SNTG1: variants seen among roughly 807,000 people sequenced by gnomAD.
The protein encoded by SNTG1 is syntrophin gamma 1.
SNTG1 carries 39 observed loss-of-function variants against 74.7 expected under a neutral mutation model. The ratio of observed to expected loss-of-function variants is 0.52; its 90% CI spans 0.40 to 0.68. SNTG1 has a LOEUF of 0.68. Among genes scored for constraint, SNTG1 ranks in the 30% least tolerant of loss-of-function variants. SNTG1 has a pLI of 0.00. For missense variants in SNTG1, 685 were observed against 609.5 expected, an observed-to-expected ratio of 1.12 and a Z score of -1.30; for synonymous variants, 254 against 217.1, an observed-to-expected ratio of 1.17 and a Z score of -1.49.
intron 9 of SNTG1, among the ~76,000 whole-genome samples, chr8:50,514,627 G>T (rs2094115931): frequency 6.6e-6 from 1 of 152,054 alleles, no homozygotes; most frequent in Non-Finnish European, 1.5e-5. Flanking sequence ...AATTTAATAA[G>T]ATTTGTTTTG....
intron 2 of SNTG1, among the ~76,000 whole-genome samples, chr8:50,346,876 G>A (rs1007207522): frequency 3.3e-5 from 5 of 152,220 alleles, no homozygotes; most frequent in Admixed American, 6.5e-5. Flanking sequence ...GGCCGAGAGA[G>A]GTATGGAAGC....
intron 2 of SNTG1, among the ~76,000 whole-genome samples, chr8:50,255,632 T>C (rs1187318551): frequency 1.3e-5 from 2 of 152,214 alleles, no homozygotes; most frequent in Non-Finnish European, 2.9e-5. Context: ...ATCACTCTGA[T>C]CTCTGTATTC....
At position 50,214,008 on chromosome 8, in the gene SNTG1, C is replaced by T. The variant is rs1311567052; in HGVS notation, c.-28+41373C>T. Reference sequence around the variant, plus strand: ...TTTAGCCATGAAGTCCTTCCCCATGCCTATGTCCTGAATGGTAATGCCTAG... The same window carrying T: ...TTTAGCCATGAAGTCCTTCCCCATGTCTATGTCCTGAATGGTAATGCCTAG... On this transcript the variant is annotated intron_variant, in intron 2 of 18. Coordinates refer to ENST00000642720, the MANE Select transcript of SNTG1 (RefSeq NM_018967.5). Among the ~76,000 whole-genome samples, 7 of 152,012 alleles carry T rather than the reference C, an allele frequency of 4.6e-5. No individual in the cohort carries two copies. In the East Asian group the frequency reaches 1.4e-3, roughly 30 times the overall value.
intron 1 of SNTG1, among the ~76,000 whole-genome samples, chr8:50,117,625 C>T (rs1277111447): frequency 6.6e-6 from 1 of 152,088 alleles, no homozygotes; most frequent in South Asian, 2.1e-4. Context: ...CTGAGTCTTA[C>T]AATTTAGTTA....
chr8:50,792,002 T>C (rs2095692034), intron 18 of SNTG1, among the ~76,000 whole-genome samples: 1 of 151,762 alleles, frequency 6.6e-6, no homozygotes, highest in Admixed American at 6.6e-5. Flanking sequence ...TGGTAATAAA[T>C]GGGTTACAAA....
Position 50,333,743 on chromosome 8 carries a change from A to G in SNTG1, c.-27-60469A>G, listed in dbSNP as rs548873165. The stretch of plus-strand genomic sequence containing the variant: ...TATGAGGCCAACGTTGTTTCCAAAC[A>G]TTTCTTAACGTTCCCTTGATTGACC... On this transcript the variant is annotated intron_variant, in intron 2 of 18. Coordinates refer to ENST00000642720, the MANE Select transcript of SNTG1 (RefSeq NM_018967.5). Among the ~76,000 whole-genome samples, 5 of 152,344 alleles carry G rather than the reference A, an allele frequency of 3.3e-5. No individual in the cohort carries two copies. The South Asian group carries it at 1.0e-3, about 32-fold the overall frequency.
chr8:50,518,005 T>C (rs1320087181), intron 9 of SNTG1, among the ~76,000 whole-genome samples: 1 of 152,158 alleles, frequency 6.6e-6, no homozygotes, highest in African/African-American at 2.4e-5. Flanking sequence ...GAATATACAT[T>C]CTTCTTAGCA....
intron 15 of SNTG1, among the ~76,000 whole-genome samples, chr8:50,668,971 T>C (rs952496323): frequency 6.6e-6 from 1 of 152,026 alleles, no homozygotes; most frequent in Non-Finnish European, 1.5e-5. Flanking sequence ...AGCTGAATGA[T>C]TTATAATCCT....
chr8:50,687,156 A>AAT (rs1563742681), intron 15 of SNTG1, among the ~76,000 whole-genome samples: 1 of 146,204 alleles, frequency 6.8e-6, no homozygotes, highest in Non-Finnish European at 1.5e-5. Flanking sequence ...AAAAAAAATA[A>AAT]AATAAACATG....
At chr8:50,673,300 T>C (rs2095293949) in intron 15 of SNTG1, among the ~76,000 whole-genome samples, 1 of 152,352 alleles carries the variant, frequency 6.6e-6, no homozygotes, top group East Asian at 1.9e-4. Flanking sequence ...TGATTCTTCT[T>C]ATCCATGAGG....
intron 1 of SNTG1, among the ~76,000 whole-genome samples, chr8:49,928,959 G>C (rs1233402073): frequency 1.3e-5 from 2 of 151,850 alleles, no homozygotes; most frequent in Non-Finnish European, 2.9e-5. Flanking sequence ...AATCACAGTG[G>C]AATTGGACAA....
At chr8:50,224,275 G>T (rs1467460614) in intron 2 of SNTG1, among the ~76,000 whole-genome samples, 1 of 152,104 alleles carries the variant, frequency 6.6e-6, no homozygotes, top group Non-Finnish European at 1.5e-5. Flanking sequence ...AGGGAAAAGT[G>T]ACATAGATTA....
intron 1 of SNTG1, among the ~76,000 whole-genome samples, chr8:50,042,541 A>T (rs1016924869): frequency 1.3e-5 from 2 of 152,110 alleles, no homozygotes; most frequent in Non-Finnish European, 2.9e-5. Flanking sequence ...AGCCAGGGTG[A>T]CAGACAGAGA....
intron 1 of SNTG1, among the ~76,000 whole-genome samples, chr8:50,135,164 A>AT (rs1224947000): frequency 6.6e-6 from 1 of 152,184 alleles, no homozygotes; most frequent in East Asian, 1.9e-4. Context: ...AAGAAAAGGC[A>AT]TGAAAAGTCA....
rs1488942213 is a variant in SNTG1, at chr8:49,969,393, T to A, written c.-103+57162T>A. ...ACATTTTAATTCATTTAATCTTTTT[T>A]TTTTTTTTTTTTTTTTTTTTTGAAA... On this transcript the variant is annotated intron_variant, in intron 1 of 18. Coordinates refer to ENST00000642720, the MANE Select transcript of SNTG1 (RefSeq NM_018967.5). Among the ~76,000 whole-genome samples, 32 of 124,582 alleles carry A rather than the reference T, an allele frequency of 2.6e-4. No homozygotes were observed. The South Asian group carries it at 5.5e-3, about 22-fold the overall frequency. The allele number at this position is 124,582 out of a possible 152,430, so 81.7% of individuals were successfully genotyped here.
intron 1 of SNTG1, among the ~76,000 whole-genome samples, chr8:50,054,013 T>A (rs976059718): frequency 6.6e-6 from 1 of 152,092 alleles, no homozygotes; most frequent in Admixed American, 6.6e-5. Context: ...TGCATCATAT[T>A]CCTGCCTGTA....
At chr8:50,779,112 A>G (rs1370175993) in intron 18 of SNTG1, among the ~76,000 whole-genome samples, 1 of 152,090 alleles carries the variant, frequency 6.6e-6, no homozygotes, top group Non-Finnish European at 1.5e-5. Context: ...GTAGCCTTGT[A>G]GTATAGTTTG....
intron 17 of SNTG1, among the ~76,000 whole-genome samples, chr8:50,750,306 T>A (rs764454228): frequency 6.6e-6 from 1 of 152,012 alleles, no homozygotes. Context: ...GAGTTTCTTC[T>A]TATGGAGGAG....
chr8:49,998,146 T>C (rs1814406507), intron 1 of SNTG1, among the ~76,000 whole-genome samples: 1 of 152,118 alleles, frequency 6.6e-6, no homozygotes, highest in Non-Finnish European at 1.5e-5. Context: ...AACATACACA[T>C]ACATAACATA....
Sources: allele counts gnomAD v4.1 joint callset (sites outside exome capture counted in the v4.1 genomes callset), GRCh38; gene constraint gnomAD v4.1.1; transcripts MANE v1.5; gene names NCBI Gene and HGNC (gene_info 2026-07-23, HGNC 2026-07-21).